Variants in ZNF804A observed in about 807,000 individuals in gnomAD.
ZNF804A encodes zinc finger protein 804A.
A neutral mutation model predicts 16.5 loss-of-function variants in ZNF804A; 2 were observed. The ratio of observed to expected loss-of-function variants is 0.12; its 90% confidence interval spans 0.05 to 0.38. ZNF804A has a LOEUF of 0.38. ZNF804A is among the 10% of genes least tolerant of loss of function. The pLI, the probability that ZNF804A is intolerant of heterozygous loss-of-function variation, is 0.99. For synonymous variants in ZNF804A, 534 were observed against 489.6 expected (o/e 1.09, Z -1.20); for missense variants, 1,473 against 1,390.7 (o/e 1.06, Z -0.94).
At chr2:184,790,048 A>AT (rs1179857590) in intron 1 of ZNF804A, among the ~76,000 whole-genome samples, 1 of 152,058 alleles carries the variant, frequency 6.6e-6, no homozygotes, top group African/African-American at 2.4e-5. Context: ...CTTTTAAAAT[A>AT]TTTTTTATTT....
chr2:184,929,532 T>G (rs1393873948), intron 2 of ZNF804A, among the ~76,000 whole-genome samples: 1 of 152,112 alleles, frequency 6.6e-6, no homozygotes, highest in Non-Finnish European at 1.5e-5. Flanking sequence ...CAATTAACTT[T>G]TATACTAAAG....
At position 184,936,656 on chromosome 2, in the gene ZNF804A, A is replaced by G. The variant is rs1685793570; in HGVS notation, c.1260A>G (p.Arg420=). The change falls in exon 4 of 4, where the codon AGA becomes AGG. Residue 420 remains arginine (R), a synonymous_variant. Coordinates refer to ENST00000302277, the MANE Select transcript of ZNF804A (RefSeq NM_194250.2). Reference sequence around the variant, plus strand: ...ATAAGAAAACAAATTTCTGCAAAAGACAATGTGAGCCATTTGTACCTGTCC... The same window carrying G: ...ATAAGAAAACAAATTTCTGCAAAAGGCAATGTGAGCCATTTGTACCTGTCC... The part of the protein sequence containing the change: ...TIHKKTNFCK[R]QCEPFVPVLN... 1 of 1,613,950 alleles carries G rather than the reference A, an allele frequency of 6.2e-7. No individual in the cohort carries two copies. Among genetic ancestry groups the G allele is most frequent in the Non-Finnish European group, 8.5e-7 (1 of 1,179,964 alleles).
At chr2:184,687,475 T>C (rs890476344) in intron 1 of ZNF804A, among the ~76,000 whole-genome samples, 1 of 152,214 alleles carries the variant, frequency 6.6e-6, no homozygotes, top group Non-Finnish European at 1.5e-5. Flanking sequence ...TGTCAATATG[T>C]TGTGATCTTT....
chr2:184,683,620 G>C (rs1175960080), intron 1 of ZNF804A, among the ~76,000 whole-genome samples: 1 of 152,252 alleles, frequency 6.6e-6, no homozygotes. Flanking sequence ...CTAAAGCAGA[G>C]TTGCTAAATG....
chr2:184,637,602 G>T (rs1691721765), intron 1 of ZNF804A, among the ~76,000 whole-genome samples: 1 of 152,090 alleles, frequency 6.6e-6, no homozygotes. Flanking sequence ...AGACAGTGCA[G>T]TATCTTAAAG....
chr2:184,806,689 T>C (rs868146829), intron 1 of ZNF804A, among the ~76,000 whole-genome samples: 1 of 151,860 alleles, frequency 6.6e-6, no homozygotes. Flanking sequence ...TATTAATATG[T>C]GACATACATC....
chr2:184,769,969 A>C (rs909355528), intron 1 of ZNF804A, among the ~76,000 whole-genome samples: 3 of 152,122 alleles, frequency 2.0e-5, no homozygotes, highest in Non-Finnish European at 2.9e-5. Flanking sequence ...GATATAACAA[A>C]GATACATAAA....
At chr2:184,653,525 AG>A (rs1009921326) in intron 1 of ZNF804A, among the ~76,000 whole-genome samples, 2 of 152,234 alleles carry the variant, frequency 1.3e-5, no homozygotes, top group Admixed American at 6.5e-5. Context: ...CAGGAAAGAA[AG>A]GAAAGTAAAC....
At position 184,855,615 on chromosome 2, in the gene ZNF804A, T is replaced by TACAC. The variant is rs4017731; in HGVS notation, c.112-10734_112-10731dup. On this transcript the variant is annotated intron_variant, in intron 1 of 3. Coordinates refer to ENST00000302277, the MANE Select transcript of ZNF804A (RefSeq NM_194250.2). The stretch of plus-strand genomic sequence containing the variant: ...GTACACATACACATATATATATATA[T>TACAC]ACACACACACACACACACACACATA... Among the ~76,000 whole-genome samples, 526 of 120,714 alleles carry TACAC rather than the reference T, an allele frequency of 4.4e-3. 4 individuals are homozygous for TACAC. The highest frequency in any genetic ancestry group is 7.2e-3 in the African/African-American group (155 of 21,492). The allele number at this position is 120,714 out of a possible 152,430, so 79.2% of individuals were successfully genotyped here.
intron 1 of ZNF804A, among the ~76,000 whole-genome samples, chr2:184,858,726 A>AT (rs1346985873): frequency 1.2e-4 from 19 of 152,046 alleles, no homozygotes; most frequent in Non-Finnish European, 2.6e-4. Flanking sequence ...ACATTATTAG[A>AT]TTATTCTTAA....
At chr2:184,661,371 G>A (rs1255773534) in intron 1 of ZNF804A, among the ~76,000 whole-genome samples, 1 of 152,134 alleles carries the variant, frequency 6.6e-6, no homozygotes, top group Non-Finnish European at 1.5e-5. Flanking sequence ...TGCTCCTGCT[G>A]CCCATAGCTG....
At chr2:184,616,625 G>A (rs1038518882) in intron 1 of ZNF804A, among the ~76,000 whole-genome samples, 6 of 152,064 alleles carry the variant, frequency 3.9e-5, no homozygotes, top group African/African-American at 4.8e-5. Flanking sequence ...AGGTGCTTTC[G>A]GGAGTCTAGG....
intron 1 of ZNF804A, among the ~76,000 whole-genome samples, chr2:184,610,507 A>ATT: frequency 6.7e-6 from 1 of 148,650 alleles, no homozygotes; most frequent in East Asian, 2.0e-4. Context: ...GTGTGTAGTG[A>ATT]TTTTTTTTTT....
chr2:184,933,621 C>G lies in ZNF804A; in HGVS notation c.274C>G (p.Gln92Glu). ...AHKQRLKELK[Q>E]REFARNVASK... is the part of the protein sequence containing the mutation. ...TTAACAGAGGCTCAAGGAACTGAAA[C>G]AAAGGGAATTTGCTCGAAATGTAGC... Residue 92 changes from glutamine (Q) to glutamate (E), a missense_variant, in exon 3 of 4, where the codon CAA becomes GAA. Gln to Glu is a conservative substitution (Grantham distance 29, BLOSUM62 2). Coordinates refer to ENST00000302277, the MANE Select transcript of ZNF804A (RefSeq NM_194250.2). 6.2e-7 allele frequency: 1 copy of G among 1,600,622 alleles called. No homozygotes were observed. Among genetic ancestry groups the G allele is most frequent in the Non-Finnish European group, 8.5e-7 (1 of 1,175,818 alleles).
At chr2:184,928,005 C>T (rs1344134662) in intron 2 of ZNF804A, among the ~76,000 whole-genome samples, 2 of 152,086 alleles carry the variant, frequency 1.3e-5, no homozygotes, top group East Asian at 1.9e-4. Flanking sequence ...AGGTGCAAGA[C>T]AAAGTCCCCT....
At chr2:184,674,402 T>C (rs1013181259) in intron 1 of ZNF804A, among the ~76,000 whole-genome samples, 5 of 151,830 alleles carry the variant, frequency 3.3e-5, no homozygotes, top group African/African-American at 1.2e-4. Context: ...TGAAGGCTTG[T>C]AAATGAAGAA....
At chr2:184,675,526 G>A (rs1345515272) in intron 1 of ZNF804A, among the ~76,000 whole-genome samples, 1 of 151,732 alleles carries the variant, frequency 6.6e-6, no homozygotes, top group Non-Finnish European at 1.5e-5. Flanking sequence ...CAAAACCTGA[G>A]ATACCTAGAT....
At chr2:184,715,915 C>G (rs1693205085) in intron 1 of ZNF804A, among the ~76,000 whole-genome samples, 1 of 152,074 alleles carries the variant, frequency 6.6e-6, no homozygotes, top group Non-Finnish European at 1.5e-5. Context: ...AGGCATTCAA[C>G]TAATACATTT....
chr2:184,769,726 T>C (rs948185722), intron 1 of ZNF804A, among the ~76,000 whole-genome samples: 2 of 151,958 alleles, frequency 1.3e-5, no homozygotes, highest in African/African-American at 4.8e-5. Flanking sequence ...AGCCCAGAGA[T>C]ATGGATATTC....
Sources: gnomAD v4.1 joint callset for allele counts (sites outside exome capture counted in the v4.1 genomes callset) on GRCh38, gnomAD v4.1.1 for gene constraint, MANE v1.5 for transcripts, NCBI Gene and HGNC (gene_info 2026-07-23, HGNC 2026-07-21) for gene names.